Variants in NAALADL2 observed in about 807,000 individuals in gnomAD.
NAALADL2 encodes the protein inactive N-acetylated-alpha-linked acidic dipeptidase-like protein 2.
NAALADL2 carries 76 observed loss-of-function variants against 87.2 expected under a neutral mutation model. The observed-to-expected ratio is 0.87, with a 90% CI of 0.72 to 1.05. NAALADL2 has a LOEUF of 1.05. Ranked by LOEUF, NAALADL2 falls within the 50% of genes least tolerant of loss-of-function variation. The pLI is 0.00. For synonymous variants in NAALADL2, 354 were observed against 331.0 expected (o/e 1.07, Z -0.75); for missense variants, 1,089 against 945.8 (o/e 1.15, Z -1.99).
intron 5 of NAALADL2, among the ~76,000 whole-genome samples, chr3:175,362,617 A>G (rs1405963426): frequency 6.7e-6 from 1 of 148,278 alleles, no homozygotes; most frequent in Non-Finnish European, 1.5e-5. Context: ...TATTTTTGCA[A>G]TTGCAAATTT....
chr3:175,769,493 T>C (rs1175825137), intron 13 of NAALADL2, among the ~76,000 whole-genome samples: 3 of 152,232 alleles, frequency 2.0e-5, no homozygotes, highest in African/African-American at 7.2e-5. Context: ...TCAGGGCCTT[T>C]AATATCTCAT....
intron 9 of NAALADL2, among the ~76,000 whole-genome samples, chr3:175,573,068 G>A (rs1251006346): frequency 5.3e-5 from 8 of 152,064 alleles, no homozygotes; most frequent in Non-Finnish European, 1.2e-4. Flanking sequence ...AAACTTAAAT[G>A]CAATGTTTAT....
intron 3 of NAALADL2, among the ~76,000 whole-genome samples, chr3:175,245,019 C>A (rs1160173489): frequency 6.6e-6 from 1 of 152,098 alleles, no homozygotes; most frequent in East Asian, 1.9e-4. Context: ...CACATATTGC[C>A]AGAAAATGAA....
intron 1 of NAALADL2, among the ~76,000 whole-genome samples, chr3:174,525,833 AAG>A (rs1223561029): frequency 2.0e-5 from 3 of 152,188 alleles, no homozygotes; most frequent in Non-Finnish European, 2.9e-5. Flanking sequence ...TTTGACTAGT[AAG>A]AGATACCATT....
intron 3 of NAALADL2, 85 bp from the exon 4 acceptor site, chr3:175,256,326 G>T: frequency 1.6e-6 from 2 of 1,241,272 alleles, no homozygotes; most frequent in South Asian, 3.2e-5. Context: ...AAATTATGAT[G>T]AATAATTTTG....
intron 2 of NAALADL2, among the ~76,000 whole-genome samples, chr3:174,573,643 G>A (rs1177656328): frequency 1.3e-5 from 2 of 152,122 alleles, no homozygotes; most frequent in African/African-American, 4.8e-5. Context: ...GAGCAGGTTT[G>A]TGCAGAGATG....
chr3:175,098,941 A>G (rs1306330558), intron 2 of NAALADL2, among the ~76,000 whole-genome samples: 1 of 151,718 alleles, frequency 6.6e-6, no homozygotes, highest in Non-Finnish European at 1.5e-5. Context: ...ATTTATTGAC[A>G]CAATGAATAC....
chr3:174,443,152 C>T (rs1253009326), intron 1 of NAALADL2, among the ~76,000 whole-genome samples: 3 of 152,174 alleles, frequency 2.0e-5, no homozygotes, highest in African/African-American at 4.8e-5. Context: ...ATGACATGAT[C>T]TAACACATCT....
At chr3:175,539,407 T>C (rs939444759) in intron 9 of NAALADL2, among the ~76,000 whole-genome samples, 4 of 152,160 alleles carry the variant, frequency 2.6e-5, no homozygotes, top group Admixed American at 6.5e-5. Context: ...ATTGAACCCA[T>C]TAAATATAGG....
chr3:175,512,204 C>T (rs1490243482), intron 9 of NAALADL2, among the ~76,000 whole-genome samples: 1 of 152,114 alleles, frequency 6.6e-6, no homozygotes, highest in African/African-American at 2.4e-5. Context: ...CACTACTATA[C>T]TCCAGCTTGG....
chr3:175,153,719 C>T (rs1731893788), intron 2 of NAALADL2, among the ~76,000 whole-genome samples: 1 of 152,170 alleles, frequency 6.6e-6, no homozygotes, highest in Non-Finnish European at 1.5e-5. Context: ...GTTAGTCTGG[C>T]CCAGTCTGAC....
intron 1 of NAALADL2, among the ~76,000 whole-genome samples, chr3:174,519,952 C>T (rs1720174939): frequency 1.3e-5 from 2 of 152,024 alleles, no homozygotes; most frequent in Non-Finnish European, 2.9e-5. Context: ...AACACAATGC[C>T]ATTTACAGTA....
chr3:174,933,562 T>C (rs1737227161), intron 1 of NAALADL2, among the ~76,000 whole-genome samples: 1 of 152,216 alleles, frequency 6.6e-6, no homozygotes, highest in Non-Finnish European at 1.5e-5. Flanking sequence ...ACAAAAAGTT[T>C]CTTTCTTCAG....
At chr3:175,274,866 T>C (rs7638328) in intron 4 of NAALADL2, among the ~76,000 whole-genome samples, 106,243 of 151,830 alleles carry the variant, frequency 0.7, 37,884 homozygotes, top group African/African-American at 0.83. Flanking sequence ...TTTATTGACA[T>C]AGTTATTCTT....
At chr3:174,987,822 A>T (rs1746169280) in intron 1 of NAALADL2, among the ~76,000 whole-genome samples, 1 of 141,026 alleles carries the variant, frequency 7.1e-6, no homozygotes, top group African/African-American at 2.8e-5. Context: ...TTATATATAT[A>T]TATATAATGA....
At position 174,965,831 on chromosome 3, in the gene NAALADL2, T is replaced by C. The variant is rs563686849; in HGVS notation, c.43+106381T>C. Among the ~76,000 whole-genome samples, 228 of 152,022 alleles carry C rather than the reference T, an allele frequency of 1.5e-3. 1 individual carries two copies. The highest frequency in any genetic ancestry group is 5.1e-3 in the African/African-American group (210 of 41,476). ...AGGGAAGTTGGGGTAATTTTTACAG[T>C]ATGGTCTATTTTCCCTGGAAAATAT... On this transcript the variant is annotated intron_variant, in intron 1 of 13. Coordinates refer to ENST00000454872, the MANE Select transcript of NAALADL2 (RefSeq NM_207015.3).
intron 10 of NAALADL2, among the ~76,000 whole-genome samples, chr3:175,586,280 C>G (rs1720529401): frequency 6.7e-6 from 1 of 150,260 alleles, no homozygotes; most frequent in South Asian, 2.1e-4. Context: ...GAAGACATAG[C>G]CTTGAAGTCT....
chr3:175,756,438 G>A (rs1436865946), intron 13 of NAALADL2, among the ~76,000 whole-genome samples: 1 of 152,058 alleles, frequency 6.6e-6, no homozygotes, highest in African/African-American at 2.4e-5. Context: ...GTCTATCAAC[G>A]TGTGATTGGA....
chr3:175,038,966 T>A (rs923619024), intron 1 of NAALADL2, among the ~76,000 whole-genome samples: 4 of 152,078 alleles, frequency 2.6e-5, no homozygotes, highest in Admixed American at 2.6e-4. Context: ...TGCTATCTAG[T>A]CAAACCAAAT....
Sources: allele counts gnomAD v4.1 joint callset (sites outside exome capture counted in the v4.1 genomes callset), GRCh38; gene constraint gnomAD v4.1.1; transcripts MANE v1.5; gene names NCBI Gene and HGNC (gene_info 2026-07-23, HGNC 2026-07-21).